CDH13: variants seen among roughly 807,000 people sequenced by gnomAD.
The protein encoded by CDH13 is cadherin 13, also known as cadherin-13.
Under a neutral mutation model 63.8 loss-of-function variants are expected in CDH13, and 24 were observed. The observed-to-expected ratio is 0.38, with a 90% CI of 0.27 to 0.53. CDH13 has a LOEUF of 0.53. Among genes scored for constraint, CDH13 ranks in the 20% least tolerant of loss-of-function variants. The pLI is 0.85. For missense variants in CDH13, 1,049 were observed against 903.1 expected (o/e 1.16, Z -2.07); for synonymous variants, 503 against 355.3 (o/e 1.42, Z -4.67).
intron 11 of CDH13, among the ~76,000 whole-genome samples, chr16:83,770,926 C>G (rs761090401): frequency 6.6e-6 from 1 of 152,158 alleles, no homozygotes; most frequent in Non-Finnish European, 1.5e-5. Flanking sequence ...CCCAGTAGAT[C>G]TCTGCCTCAT....
intron 3 of CDH13, among the ~76,000 whole-genome samples, chr16:83,063,241 T>C (rs1165142638): frequency 6.6e-6 from 1 of 152,084 alleles, no homozygotes; most frequent in East Asian, 1.9e-4. Context: ...GAATTACAGG[T>C]GTGAGCTATC....
chr16:82,725,290 C>G (rs1304089357), intron 1 of CDH13, among the ~76,000 whole-genome samples: 1 of 152,180 alleles, frequency 6.6e-6, no homozygotes, highest in Non-Finnish European at 1.5e-5. Context: ...TGAATTGTCC[C>G]AGCTCTATCA....
At chr16:83,290,411 T>A (rs1412935629) in intron 5 of CDH13, among the ~76,000 whole-genome samples, 1 of 152,070 alleles carries the variant, frequency 6.6e-6, no homozygotes, top group Non-Finnish European at 1.5e-5. Context: ...GCTGTTCTCA[T>A]GGTAGTGAAG....
At chr16:83,208,935 A>G (rs1377962206) in intron 4 of CDH13, among the ~76,000 whole-genome samples, 1 of 152,116 alleles carries the variant, frequency 6.6e-6, no homozygotes, top group African/African-American at 2.4e-5. Flanking sequence ...GACCCCTGCA[A>G]ATTATAAGGA....
chr16:83,513,144 G>GA, intron 7 of CDH13, among the ~76,000 whole-genome samples: 1 of 152,162 alleles, frequency 6.6e-6, no homozygotes, highest in Non-Finnish European at 1.5e-5. Context: ...AGTCCCATGA[G>GA]AAAAAGATTT....
intron 7 of CDH13, among the ~76,000 whole-genome samples, chr16:83,590,850 A>G (rs2150735900): frequency 6.6e-6 from 1 of 151,516 alleles, no homozygotes; most frequent in African/African-American, 2.4e-5. Flanking sequence ...TCTGAATCAT[A>G]AATGCTGCAG....
intron 5 of CDH13, among the ~76,000 whole-genome samples, chr16:83,333,325 C>G (rs2151905297): frequency 6.6e-6 from 1 of 152,172 alleles, no homozygotes; most frequent in Middle Eastern, 3.4e-3. Context: ...GGAATTGAAT[C>G]TAGTATACTG....
chr16:83,503,266 C>A (rs933652635), intron 7 of CDH13, among the ~76,000 whole-genome samples: 29 of 152,320 alleles, frequency 1.9e-4, no homozygotes, highest in African/African-American at 6.7e-4. Flanking sequence ...AAATACAGGA[C>A]AACTGGAGAC....
chr16:83,095,167 CTG>C (rs1459607261), intron 3 of CDH13, among the ~76,000 whole-genome samples: 1 of 152,310 alleles, frequency 6.6e-6, no homozygotes, highest in East Asian at 1.9e-4. Context: ...AATACTCACA[CTG>C]TGGCTGATGC....
chr16:83,634,010 A>G (rs1214905512), intron 8 of CDH13, among the ~76,000 whole-genome samples: 1 of 152,162 alleles, frequency 6.6e-6, no homozygotes, highest in Non-Finnish European at 1.5e-5. Flanking sequence ...CCTCCGTAGT[A>G]ACATCGCCTA....
intron 7 of CDH13, among the ~76,000 whole-genome samples, chr16:83,494,404 T>A (rs1167504089): frequency 6.6e-6 from 1 of 152,224 alleles, no homozygotes; most frequent in Non-Finnish European, 1.5e-5. Context: ...AATAACATTG[T>A]TCTAAACCCC....
At chr16:83,065,259 G>C (rs1016624492) in intron 3 of CDH13, among the ~76,000 whole-genome samples, 1 of 152,184 alleles carries the variant, frequency 6.6e-6, no homozygotes, top group Non-Finnish European at 1.5e-5. Flanking sequence ...AAGCTTGAAG[G>C]TAGAAGAAAA....
At chr16:83,333,829 A>C (rs1567598854) in intron 5 of CDH13, among the ~76,000 whole-genome samples, 1 of 152,100 alleles carries the variant, frequency 6.6e-6, no homozygotes, top group Non-Finnish European at 1.5e-5. Flanking sequence ...AATGGTACCT[A>C]CTTTTATTCT....
intron 2 of CDH13, among the ~76,000 whole-genome samples, chr16:82,898,367 A>G (rs2041339967): frequency 6.6e-6 from 1 of 152,214 alleles, no homozygotes; most frequent in Admixed American, 6.5e-5. Flanking sequence ...TCTACTAAAA[A>G]TACAAAAGTT....
intron 2 of CDH13, among the ~76,000 whole-genome samples, chr16:82,861,367 G>C (rs990400260): frequency 3.9e-5 from 6 of 152,094 alleles, no homozygotes; most frequent in Admixed American, 2.0e-4. Flanking sequence ...TCAATCAATT[G>C]ATGTCTACAC....
chr16:83,607,948 C>T (rs1908496858), intron 8 of CDH13, among the ~76,000 whole-genome samples: 1 of 152,078 alleles, frequency 6.6e-6, no homozygotes, highest in Non-Finnish European at 1.5e-5. Context: ...GTAGCTAGAA[C>T]ATGGTTGATG....
In CDH13 at chr16:83,665,888, C is replaced by A. The variant is rs551120876; in HGVS notation, c.1102-4902C>A. Among the ~76,000 whole-genome samples, 5 of 152,300 alleles carry A rather than the reference C, an allele frequency of 3.3e-5. No homozygotes were observed. In the South Asian group the frequency reaches 1.0e-3, roughly 32 times the overall value. On this transcript the variant is annotated intron_variant, in intron 8 of 13. Coordinates refer to ENST00000567109, the MANE Select transcript of CDH13 (RefSeq NM_001257.5). ...GTATAATAAAATTCAAGTCCCTCTT[C>A]CTACTTGTGATTGTCTTTGTGGCTC...
intron 6 of CDH13, among the ~76,000 whole-genome samples, chr16:83,470,276 C>G (rs1013152808): frequency 6.6e-6 from 1 of 152,108 alleles, no homozygotes; most frequent in Non-Finnish European, 1.5e-5. Flanking sequence ...AGGCTAGTCT[C>G]GAACTCCTGA....
chr16:82,881,839 C>T (rs1362776470), intron 2 of CDH13, among the ~76,000 whole-genome samples: 1 of 152,068 alleles, frequency 6.6e-6, no homozygotes, highest in Non-Finnish European at 1.5e-5. Context: ...GTTCATGACC[C>T]CCACACCCAG....
Sources: allele counts gnomAD v4.1 joint callset (sites outside exome capture counted in the v4.1 genomes callset), GRCh38; gene constraint gnomAD v4.1.1; transcripts MANE v1.5; gene names NCBI Gene and HGNC (gene_info 2026-07-23, HGNC 2026-07-21).